The following PSD3 variants were observed in gnomAD, a reference collection of about 807,000 sequenced individuals.
PSD3 encodes pleckstrin and Sec7 domain containing 3.
Under a neutral mutation model 105.5 loss-of-function variants are expected in PSD3, and 49 were observed. That is an observed-to-expected ratio of 0.46 (90% CI 0.37 to 0.59). The LOEUF (loss-of-function observed/expected upper bound fraction) is 0.59. PSD3 is among the 20% of genes least tolerant of loss of function. The pLI, the probability that PSD3 is intolerant of heterozygous loss-of-function variation, is 0.00. For missense variants in PSD3, 1,561 were observed against 1,263.8 expected, an observed-to-expected ratio of 1.24 and a Z score of -3.57; for synonymous variants, 557 against 457.8, an observed-to-expected ratio of 1.22 and a Z score of -2.77.
chr8:18,614,487 C>T (rs570862248), intron 11 of PSD3, among the ~76,000 whole-genome samples: 1 of 151,552 alleles, frequency 6.6e-6, no homozygotes, highest in South Asian at 2.1e-4. Flanking sequence ...TAGAATAAAA[C>T]TGTGGTCGAT....
At position 18,666,660 on chromosome 8, in the gene PSD3, G is replaced by C. The variant is rs549040661; in HGVS notation, c.2173-10975C>G. ...GGAGAAAGCTCCATGTACAAGGTAA[G>C]CTAGCACTCAGCTGTAGCCTGATTT... On this transcript the variant is annotated intron_variant, in intron 9 of 15. Transcript: ENST00000327040. Among the ~76,000 whole-genome samples the C allele has an allele frequency of 4.0e-5, 6 of 150,706 alleles. No homozygotes were observed. In the South Asian group the frequency reaches 1.3e-3, roughly 32 times the overall value.
intron 11 of PSD3, among the ~76,000 whole-genome samples, chr8:18,627,867 A>G (rs1203525041): frequency 6.6e-6 from 1 of 152,030 alleles, no homozygotes; most frequent in Non-Finnish European, 1.5e-5. Context: ...ACAGTTCCAG[A>G]AACGACAGAA....
chr8:19,065,622 T>C (rs968955791), intron 1 of PSD3, among the ~76,000 whole-genome samples: 1 of 152,204 alleles, frequency 6.6e-6, no homozygotes, highest in Non-Finnish European at 1.5e-5. Flanking sequence ...TTACAACCTA[T>C]ACATAGGAAG....
Position 18,848,820 on chromosome 8 carries a change from T to A in PSD3, c.1634+18854A>T, listed in dbSNP as rs192937663. Among the ~76,000 whole-genome samples, 51 of 152,228 alleles carry A rather than the reference T, an allele frequency of 3.4e-4. 1 individual carries two copies. Among genetic ancestry groups the A allele is most frequent in the African/African-American group, 1.2e-3 (50 of 41,526 alleles). On this transcript the variant is annotated intron_variant, in intron 4 of 15. Transcript: ENST00000327040. Reference sequence around the variant, plus strand: ...GAGACGGTGGGGATTATGGTCTAGGTTGTTTATTGTCATACAAAAATGTGG... The same window carrying A: ...GAGACGGTGGGGATTATGGTCTAGGATGTTTATTGTCATACAAAAATGTGG...
rs115757895 is a variant in PSD3 at position 18,565,153 on chromosome 8, C to T, written c.2784+7375G>A. Among the ~76,000 whole-genome samples the T allele has an allele frequency of 2.8e-3, 427 of 152,212 alleles. 1 individual carries two copies. Among genetic ancestry groups the T allele is most frequent in the Middle Eastern group, 0.014 (4 of 294 alleles). On this transcript the variant is annotated intron_variant, in intron 14 of 15. Coordinates refer to ENST00000327040, the MANE Select transcript of PSD3 (RefSeq NM_015310.4). ...TCCCTGAGCCCAGCCTGGACCTGAA[C>T]GACCTGGTGGGGCTGGGAAATGTGC... is the stretch of plus-strand genomic sequence containing the variant.
intron 9 of PSD3, among the ~76,000 whole-genome samples, chr8:18,689,628 A>G (rs1316459659): frequency 6.6e-6 from 1 of 152,190 alleles, no homozygotes; most frequent in African/African-American, 2.4e-5. Flanking sequence ...AAAGGCTCTC[A>G]TGACTTTCCC....
intron 1 of PSD3, among the ~76,000 whole-genome samples, chr8:18,943,821 C>G (rs1000718566): frequency 3.3e-5 from 5 of 152,040 alleles, no homozygotes; most frequent in African/African-American, 1.2e-4. Flanking sequence ...GATTTGTATG[C>G]TGGATGTTAA....
chr8:18,764,314 C>T (rs1042812874), intron 9 of PSD3, among the ~76,000 whole-genome samples: 2 of 152,144 alleles, frequency 1.3e-5, no homozygotes, highest in Admixed American at 6.5e-5. Flanking sequence ...ATCTTTATCA[C>T]GTCACAATCC....
chr8:18,566,697 C>T (rs1351487534), intron 14 of PSD3, among the ~76,000 whole-genome samples: 2 of 152,026 alleles, frequency 1.3e-5, no homozygotes, highest in Non-Finnish European at 1.5e-5. Flanking sequence ...ATACGGTTAC[C>T]TTGTCTTACA....
chr8:18,978,622 G>A (rs1825082050), intron 1 of PSD3, among the ~76,000 whole-genome samples: 1 of 152,188 alleles, frequency 6.6e-6, no homozygotes, highest in Non-Finnish European at 1.5e-5. Context: ...GGGGTTTACA[G>A]CGCAGGAATG....
At chr8:18,554,717 A>G (rs1178168965) in intron 15 of PSD3, among the ~76,000 whole-genome samples, 2 of 152,178 alleles carry the variant, frequency 1.3e-5, no homozygotes, top group Admixed American at 6.5e-5. Flanking sequence ...GTATTACGGA[A>G]TCCGCTACAG....
chr8:18,736,077 T>A (rs1200822676), intron 9 of PSD3, among the ~76,000 whole-genome samples: 2 of 152,182 alleles, frequency 1.3e-5, no homozygotes, highest in Non-Finnish European at 2.9e-5. Flanking sequence ...AACGTAGAAT[T>A]CCAACAAACT....
intron 14 of PSD3, among the ~76,000 whole-genome samples, chr8:18,564,356 C>A (rs1041630510): frequency 2.6e-5 from 4 of 152,078 alleles, no homozygotes; most frequent in Non-Finnish European, 4.4e-5. Flanking sequence ...TGGCCAGGCA[C>A]GGTGGCTCAC....
intron 1 of PSD3, among the ~76,000 whole-genome samples, chr8:19,032,074 G>T (rs1036748969): frequency 6.6e-6 from 1 of 152,072 alleles, no homozygotes; most frequent in East Asian, 1.9e-4. Context: ...CACCTGGAGC[G>T]AGGGGACCAA....
chr8:18,822,422 T>C (rs1812820812), intron 4 of PSD3, among the ~76,000 whole-genome samples: 3 of 152,150 alleles, frequency 2.0e-5, no homozygotes, highest in African/African-American at 7.2e-5. Context: ...GTGTTCCAAG[T>C]ACCCCTTCAC....
At chr8:18,549,237 A>C (rs1178084599) in intron 15 of PSD3, among the ~76,000 whole-genome samples, 2 of 145,668 alleles carry the variant, frequency 1.4e-5, no homozygotes, top group East Asian at 4.1e-4. Context: ...GCTAGAGTGC[A>C]ATGGCATGAT....
chr8:18,783,379 T>A (rs1307034943), intron 8 of PSD3, among the ~76,000 whole-genome samples: 2 of 152,178 alleles, frequency 1.3e-5, no homozygotes, highest in Non-Finnish European at 2.9e-5. Context: ...TCAACTTTTG[T>A]CAGTTGTTGA....
intron 10 of PSD3, among the ~76,000 whole-genome samples, chr8:18,651,949 C>G (rs1808513649): frequency 6.6e-6 from 1 of 152,126 alleles, no homozygotes; most frequent in Non-Finnish European, 1.5e-5. Context: ...AGATTGGAGA[C>G]AGAAGGCCTT....
rs184461573 is a variant in PSD3, at chr8:19,041,967, G to A, written c.324+42239C>T. On this transcript the variant is annotated intron_variant, in intron 1 of 1. Coordinates refer to the PSD3 transcript ENST00000521475. ...TGCATTTTTTAAAAAATTCTATTTT[G>A]GATTTTTTTTTAACTTTTTCATAAT... 1.2e-3 allele frequency among the ~76,000 whole-genome samples: 177 copies of A among 142,732 alleles called. 2 individuals carry two copies. Among genetic ancestry groups the A allele is most frequent in the African/African-American group, 5.0e-3 (168 of 33,638 alleles). The allele number at this position is 142,732 out of a possible 152,430, so 93.6% of individuals were successfully genotyped here. A position where few individuals can be genotyped will look rare whatever the true frequency, so the allele number is the denominator to read the frequency against.
Sources: allele counts gnomAD v4.1 joint callset (sites outside exome capture counted in the v4.1 genomes callset), GRCh38; gene constraint gnomAD v4.1.1; transcripts MANE v1.5; gene names NCBI Gene and HGNC (gene_info 2026-07-23, HGNC 2026-07-21).